The following DNAJC13 variants were observed in gnomAD, a reference collection of about 807,000 sequenced individuals.
DNAJC13 encodes the protein dnaJ homolog subfamily C member 13.
In DNAJC13, 75 loss-of-function variants were observed where a neutral mutation model predicts 290.5. The observed-to-expected ratio is 0.26, with a 90% CI of 0.21 to 0.31. DNAJC13 has a LOEUF of 0.31. Among genes scored for constraint, DNAJC13 ranks in the 10% least tolerant of loss-of-function variants. The pLI, the probability that DNAJC13 is intolerant of heterozygous loss-of-function variation, is 1.00. For missense variants in DNAJC13, 2,260 were observed against 2,674.5 expected (o/e 0.85, Z 3.42); for synonymous variants, 862 against 892.0 (o/e 0.97, Z 0.60).
At chr3:132,483,239 A>G (rs1934741915) in intron 27 of DNAJC13, 136 bp from the exon 28 acceptor site, 18 of 949,608 alleles carry the variant, frequency 1.9e-5, no homozygotes, top group Admixed American at 2.9e-5. Context: ...GCCTGTCAAC[A>G]AAACTTATTT....
Position 132,505,757 on chromosome 3 carries a change from A to G in DNAJC13, c.4998+342A>G, listed in dbSNP as rs185108231. 1.2e-3 allele frequency among the ~76,000 whole-genome samples: 176 copies of G among 151,894 alleles called. 1 individual carries two copies. The highest frequency in any genetic ancestry group is 4.1e-3 in the African/African-American group (170 of 41,428). ...GACTGAACATTTTTTCTACCCTGCC[A>G]CCTTTTAGTGGAGAAGCTATTACTG... On this transcript the variant is annotated intron_variant, in intron 42 of 55. Transcript: ENST00000260818.
rs761760460 is a variant in DNAJC13, at chr3:132,475,104, A to G, written c.2445+19A>G. ...GTTTGAGGTAAAGTTTGATTTTTCC[A>G]GTATATTAATCTTAAAAAATAAAGC... On this transcript the variant is annotated intron_variant, in intron 22 of 55. Transcript: ENST00000260818. 1.3e-6 allele frequency: 2 copies of G among 1,558,826 alleles called. No individual in the cohort carries two copies. The highest frequency in any genetic ancestry group is 1.7e-6 in the Non-Finnish European group (2 of 1,154,800).
At chr3:132,501,797 G>A (rs533809448) in intron 39 of DNAJC13, among the ~76,000 whole-genome samples, 2 of 152,268 alleles carry the variant, frequency 1.3e-5, no homozygotes, top group East Asian at 1.9e-4. Context: ...AAACAGGATC[G>A]AGATGCTGAT....
chr3:132,504,672 T>C (rs1380162027), intron 41 of DNAJC13, among the ~76,000 whole-genome samples: 1 of 152,170 alleles, frequency 6.6e-6, no homozygotes, highest in Non-Finnish European at 1.5e-5. Context: ...TCTGTAAAAA[T>C]AAAAGATTTT....
At position 132,506,045 on chromosome 3, in the gene DNAJC13, C is replaced by CTTTTTTTTTTTTT. The variant is rs573857472; in HGVS notation, c.4998+641_4998+653dup. Among the ~76,000 whole-genome samples the CTTTTTTTTTTTTT allele has an allele frequency of 4.5e-3, 329 of 72,634 alleles. 38 individuals are homozygous for CTTTTTTTTTTTTT. Among genetic ancestry groups the CTTTTTTTTTTTTT allele is most frequent in the East Asian group, 9.1e-3 (14 of 1,534 alleles). The allele number at this position is 72,634 out of a possible 152,430, so 47.7% of individuals were successfully genotyped here. On this transcript the variant is annotated intron_variant, in intron 42 of 55. Transcript: ENST00000260818. ...CGGGTCTTACATGTCTGTACATTAT[C>CTTTTTTTTTTTTT]TTTTTTTTTTTTTTTTTTTTTTTGA...
In DNAJC13 at chr3:132,528,240, G is replaced by A; in HGVS notation, c.6433G>A (p.Gly2145Ser). ...CCTCTTAAAATTACTCGAAGGCATTGGCCTTGAAAACCTGGACAGCCCAGC... is the reference window on the plus strand; with the variant it reads ...CCTCTTAAAATTACTCGAAGGCATTAGCCTTGAAAACCTGGACAGCCCAGC... ...PYLLKLLEGI[G>S]LENLDSPAAT... Residue 2145 changes from glycine to serine, a missense_variant, in exon 54 of 56, where the codon GGC (glycine) becomes AGC (serine). By Grantham distance (56) the Gly-to-Ser change is moderately conservative. This residue lies in a region of DNAJC13 where 1,494 missense variants were observed against 1,693.7 expected (regional missense o/e 0.88). Coordinates refer to ENST00000260818, the MANE Select transcript of DNAJC13 (RefSeq NM_015268.4). The A allele has an allele frequency of 6.2e-7, 1 of 1,614,128 alleles. No homozygotes were observed. Among genetic ancestry groups the A allele is most frequent in the Non-Finnish European group, 8.5e-7 (1 of 1,180,008 alleles).
chr3:132,462,053 C>T (rs2107674463), intron 15 of DNAJC13, among the ~76,000 whole-genome samples: 1 of 152,218 alleles, frequency 6.6e-6, no homozygotes, highest in East Asian at 1.9e-4. Flanking sequence ...CTTTTCTTTA[C>T]AAATTCCCAA....
chr3:132,500,643 T>G, intron 38 of DNAJC13, 151 bp from the exon 39 acceptor site: 1 of 1,039,536 alleles, frequency 9.6e-7, no homozygotes, highest in Non-Finnish European at 1.4e-6. Context: ...GAAAGACTAG[T>G]GATCTAGTAA....
At chr3:132,451,364 T>A (rs970194089) in intron 6 of DNAJC13, among the ~76,000 whole-genome samples, 4 of 152,176 alleles carry the variant, frequency 2.6e-5, no homozygotes, top group Admixed American at 1.3e-4. Flanking sequence ...TTTCATCCTT[T>A]GCCTGGCTGT....
Position 132,538,500 on chromosome 3 carries a change from A to AT in DNAJC13, c.*228dup, listed in dbSNP as rs1468825728. 7.4e-3 allele frequency: 2,854 copies of AT among 383,528 alleles called. No homozygotes were observed. The highest frequency in any genetic ancestry group is 9.7e-3 in the East Asian group (228 of 23,540). The allele number at this position is 383,528 out of a possible 1,614,324, so 23.8% of individuals were successfully genotyped here. On this transcript the variant is annotated 3_prime_UTR_variant, in exon 56 of 56. Coordinates refer to ENST00000260818, the MANE Select transcript of DNAJC13 (RefSeq NM_015268.4). Reference sequence around the variant, plus strand: ...GATCAACATAAGTGGGTACACAAGAATTTTTTTTTTCTTGGTGTATGTAAG... The same window carrying AT: ...GATCAACATAAGTGGGTACACAAGAATTTTTTTTTTTCTTGGTGTATGTAAG...
intron 1 of DNAJC13, among the ~76,000 whole-genome samples, chr3:132,421,247 T>A (rs1309114017): frequency 6.6e-6 from 1 of 152,220 alleles, no homozygotes; most frequent in Non-Finnish European, 1.5e-5. Flanking sequence ...TCACTTAGTG[T>A]TGGGACAGAA....
At chr3:132,432,032 T>C (rs770369626) in intron 1 of DNAJC13, among the ~76,000 whole-genome samples, 3 of 152,212 alleles carry the variant, frequency 2.0e-5, no homozygotes, top group Non-Finnish European at 2.9e-5. Context: ...CTCAAGCCGT[T>C]ATAAAAATTT....
chr3:132,513,218 A>T (rs116743422), intron 45 of DNAJC13, 119 bp downstream of exon 45: 2 of 752,918 alleles, frequency 2.7e-6, no homozygotes, highest in African/African-American at 3.5e-5. Flanking sequence ...CATTTTGCCT[A>T]TTAAGACACA....
At chr3:132,462,035 A>T (rs1307914653) in intron 15 of DNAJC13, among the ~76,000 whole-genome samples, 2 of 152,156 alleles carry the variant, frequency 1.3e-5, no homozygotes, top group Non-Finnish European at 2.9e-5. Flanking sequence ...TGGTAGGCCC[A>T]AAGTTCCCTT....
intron 2 of DNAJC13, among the ~76,000 whole-genome samples, chr3:132,442,839 T>C (rs1053504738): frequency 6.6e-6 from 1 of 152,196 alleles, no homozygotes; most frequent in Non-Finnish European, 1.5e-5. Flanking sequence ...AATATGAATA[T>C]TAATTTTTCA....
At position 132,456,095 on chromosome 3, in the gene DNAJC13, C is replaced by T; in HGVS notation, c.933-140C>T. ...GCTAGTATTAGAGCTCTTCCTAAAGCCCCACTGTTTGTGTTTCCCATTGTA... is the reference window on the plus strand; with the variant it reads ...GCTAGTATTAGAGCTCTTCCTAAAGTCCCACTGTTTGTGTTTCCCATTGTA... On this transcript the variant is annotated intron_variant, in intron 9 of 55. Transcript: ENST00000260818. 3 of 675,442 alleles carry T rather than the reference C, an allele frequency of 4.4e-6. No homozygotes were observed. In the South Asian group the frequency reaches 6.0e-5, roughly 13 times the overall value. The allele number at this position is 675,442 out of a possible 1,614,324, so 41.8% of individuals were successfully genotyped here. A position where few individuals can be genotyped will look rare whatever the true frequency, so the allele number is the denominator to read the frequency against.
At position 132,516,760 on chromosome 3, in the gene DNAJC13, G is replaced by A; in HGVS notation, c.5617G>A (p.Ala1873Thr). Residue 1873 changes from alanine (A) to threonine (T), a missense_variant, in exon 48 of 56, where the codon GCC becomes ACC. This residue lies in a region of DNAJC13 where 1,494 missense variants were observed against 1,693.7 expected (regional missense o/e 0.88). Coordinates refer to ENST00000260818, the MANE Select transcript of DNAJC13 (RefSeq NM_015268.4). ...FCNSTHPQVR[A>T]QTAELFAKMT... ...CAATTCAACACATCCACAGGTTCGA[G>A]CCCAAACAGCAGAACTTTTTGCCAA... The A allele has an allele frequency of 6.2e-7, 1 of 1,613,580 alleles. No homozygotes were observed.
In DNAJC13 at chr3:132,505,400, A is replaced by T. The variant is rs193294938; in HGVS notation, c.4983A>T (p.Glu1661Asp). The change falls in exon 42 of 56, where the codon GAA becomes GAT. Residue 1661 changes from glutamate (E) to aspartate (D), a missense_variant. Glu to Asp is a conservative substitution (Grantham distance 45). This residue lies in a region of DNAJC13 where 1,494 missense variants were observed against 1,693.7 expected (regional missense o/e 0.88). Coordinates refer to ENST00000260818, the MANE Select transcript of DNAJC13 (RefSeq NM_015268.4). Reference sequence around the variant, plus strand: ...TTGAATTTCTTGAATCCCAACAAGAAAACATGATTAAAAAAGTATGTTATT... The same window carrying T: ...TTGAATTTCTTGAATCCCAACAAGATAACATGATTAAAAAAGTATGTTATT... Reference protein sequence around the residue: ...ELLEFLESQQENMIKKGDCDK... With the variant: ...ELLEFLESQQDNMIKKGDCDK... The T allele has an allele frequency of 1.1e-4, 170 of 1,588,166 alleles. No homozygotes were observed. The African/African-American group carries it at 1.9e-3, about 17-fold the overall frequency.
chr3:132,470,609 C>T (rs1934176481), intron 20 of DNAJC13, among the ~76,000 whole-genome samples: 11 of 113,414 alleles, frequency 9.7e-5, no homozygotes, highest in East Asian at 5.2e-4. Flanking sequence ...GCTGGCCGGG[C>T]GGGGGGGCTG....
Sources: allele counts gnomAD v4.1 joint callset (sites outside exome capture counted in the v4.1 genomes callset), GRCh38; gene constraint gnomAD v4.1.1; regional missense constraint gnomAD v4.1.1; transcripts MANE v1.5; gene names NCBI Gene and HGNC (gene_info 2026-07-23, HGNC 2026-07-21).